Variants in CRPPA observed in about 807,000 individuals in gnomAD.
CRPPA encodes the protein D-ribitol-5-phosphate cytidylyltransferase.
Under a neutral mutation model 52.0 loss-of-function variants are expected in CRPPA, and 43 were observed. The observed-to-expected ratio is 0.83, with a 90% CI of 0.65 to 1.07. The LOEUF is 1.07. Ranked by LOEUF, CRPPA falls within the 50% of genes least tolerant of loss-of-function variation. The pLI, the probability that CRPPA is intolerant of heterozygous loss-of-function variation, is 0.00. For missense variants in CRPPA, 629 were observed against 551.7 expected (o/e 1.14, Z -1.40); for synonymous variants, 250 against 203.5 (o/e 1.23, Z -1.94).
chr7:16,373,847 G>A (rs933824173), intron 3 of CRPPA, among the ~76,000 whole-genome samples: 1 of 152,164 alleles, frequency 6.6e-6, no homozygotes, highest in Non-Finnish European at 1.5e-5. Flanking sequence ...TAGAATGGCA[G>A]TTAGACATCT....
chr7:16,292,661 G>A (rs1429283817), intron 5 of CRPPA, among the ~76,000 whole-genome samples: 10 of 151,940 alleles, frequency 6.6e-5, no homozygotes, highest in Non-Finnish European at 1.0e-4. Flanking sequence ...CCTGATTAAT[G>A]TTATTTGCAA....
At chr7:16,096,115 C>A (rs368931514) in intron 9 of CRPPA, among the ~76,000 whole-genome samples, 1 of 152,118 alleles carries the variant, frequency 6.6e-6, no homozygotes, top group Non-Finnish European at 1.5e-5. Flanking sequence ...GCTTCAACAA[C>A]GTCCACAGGA....
At chr7:16,392,410 G>T (rs551625900) in intron 2 of CRPPA, among the ~76,000 whole-genome samples, 10 of 152,214 alleles carry the variant, frequency 6.6e-5, no homozygotes, top group African/African-American at 2.4e-4. Context: ...TCATATTTTT[G>T]TCCTGCTTTC....
At chr7:16,139,858 A>T (rs1782833968) in intron 9 of CRPPA, among the ~76,000 whole-genome samples, 3 of 152,198 alleles carry the variant, frequency 2.0e-5, no homozygotes, top group Admixed American at 1.3e-4. Context: ...GTATTTAAAG[A>T]TTAACCACCT....
chr7:16,402,748 T>A (rs193234465), intron 2 of CRPPA, among the ~76,000 whole-genome samples: 2 of 150,168 alleles, frequency 1.3e-5, no homozygotes, highest in Admixed American at 6.6e-5. Flanking sequence ...GGATGCAGCA[T>A]ACAAAAACAG....
chr7:16,104,816 C>T (rs1390263043), intron 9 of CRPPA, among the ~76,000 whole-genome samples: 1 of 151,644 alleles, frequency 6.6e-6, no homozygotes, highest in Non-Finnish European at 1.5e-5. Context: ...AGAAGAATTG[C>T]TTGAACCTGG....
chr7:16,369,676 T>C (rs1786698247), intron 3 of CRPPA, among the ~76,000 whole-genome samples: 1 of 152,198 alleles, frequency 6.6e-6, no homozygotes, highest in Admixed American at 6.5e-5. Context: ...ATGATCTTTT[T>C]TTTGCCCCCA....
chr7:16,094,394 C>G (rs553791682), intron 9 of CRPPA, among the ~76,000 whole-genome samples: 1 of 152,206 alleles, frequency 6.6e-6, no homozygotes, highest in East Asian at 1.9e-4. Flanking sequence ...TCAAACTCAT[C>G]TCAAAATTTC....
chr7:16,201,473 A>T (rs554253081), intron 9 of CRPPA, among the ~76,000 whole-genome samples: 1 of 152,122 alleles, frequency 6.6e-6, no homozygotes, highest in Non-Finnish European at 1.5e-5. Flanking sequence ...ACATTCCCCT[A>T]TTCTAAGCCC....
At chr7:16,235,071 G>T (rs1782909606) in intron 8 of CRPPA, among the ~76,000 whole-genome samples, 1 of 151,978 alleles carries the variant, frequency 6.6e-6, no homozygotes, top group African/African-American at 2.4e-5. Context: ...TCTGAGTTTT[G>T]TCCATTAAGA....
At chr7:16,217,108 T>G (rs1782347579) in intron 8 of CRPPA, among the ~76,000 whole-genome samples, 1 of 149,810 alleles carries the variant, frequency 6.7e-6, no homozygotes, top group African/African-American at 2.5e-5. Context: ...ACGGGCAGAC[T>G]GCCTCCTCAA....
intron 5 of CRPPA, among the ~76,000 whole-genome samples, chr7:16,286,366 GC>G (rs1273362816): frequency 6.6e-6 from 1 of 151,626 alleles, no homozygotes; most frequent in Non-Finnish European, 1.5e-5. Context: ...GGACTTACCA[GC>G]CTCCATAAGT....
chr7:16,332,994 C>T (rs1785590276), intron 3 of CRPPA, among the ~76,000 whole-genome samples: 1 of 151,620 alleles, frequency 6.6e-6, no homozygotes, highest in Non-Finnish European at 1.5e-5. Context: ...TCACACACAA[C>T]CAAATTCAGC....
chr7:16,087,585 C>G lies in CRPPA; in HGVS notation c.*4110G>C, dbSNP rs775071114. On this transcript the variant is annotated 3_prime_UTR_variant, in exon 10 of 10. Transcript: ENST00000407010. ...TTTGTAAAAACAACATATTTAGAAT[C>G]TTTATAGTACTTTTCAATGTCACCT... is the stretch of plus-strand genomic sequence containing the variant. 7 of 151,648 alleles carry G rather than the reference C, an allele frequency of 4.6e-5. No individual in the cohort carries two copies. Among genetic ancestry groups the G allele is most frequent in the Non-Finnish European group, 5.9e-5 (4 of 67,870 alleles). 9.4% of individuals were successfully genotyped at this position (151,648 alleles called of 1,614,324 possible). A position where few individuals can be genotyped will look rare whatever the true frequency, so the allele number is the denominator to read the frequency against.
chr7:16,209,941 T>G (rs1782085136), intron 9 of CRPPA, among the ~76,000 whole-genome samples: 2 of 152,162 alleles, frequency 1.3e-5, no homozygotes, highest in African/African-American at 4.8e-5. Flanking sequence ...CATCCACATT[T>G]TTTTCACTTA....
chr7:16,255,278 A>G (rs917855773), intron 8 of CRPPA, among the ~76,000 whole-genome samples: 1 of 152,218 alleles, frequency 6.6e-6, no homozygotes, highest in African/African-American at 2.4e-5. Flanking sequence ...ACCACTGCTC[A>G]AGGAAATAAA....
intron 9 of CRPPA, among the ~76,000 whole-genome samples, chr7:16,141,038 C>T (rs1436896044): frequency 1.3e-5 from 2 of 152,156 alleles, no homozygotes; most frequent in African/African-American, 4.8e-5. Flanking sequence ...TCTAAGATCT[C>T]GTTTCCTGTG....
intron 5 of CRPPA, among the ~76,000 whole-genome samples, chr7:16,298,615 T>C (rs1403696280): frequency 6.6e-6 from 1 of 152,218 alleles, no homozygotes; most frequent in Non-Finnish European, 1.5e-5. Context: ...ACATGGTTAA[T>C]TTTGTGTCAT....
intron 9 of CRPPA, among the ~76,000 whole-genome samples, chr7:16,199,093 C>T (rs947540207): frequency 6.6e-5 from 10 of 152,162 alleles, no homozygotes; most frequent in African/African-American, 2.4e-4. Flanking sequence ...GCTGCTCTCT[C>T]CCAGACTTCC....
Sources: gnomAD v4.1 joint callset for allele counts (sites outside exome capture counted in the v4.1 genomes callset) on GRCh38, gnomAD v4.1.1 for gene constraint, MANE v1.5 for transcripts, NCBI Gene and HGNC (gene_info 2026-07-23, HGNC 2026-07-21) for gene names.